C22orf15: variants seen among roughly 807,000 people sequenced by gnomAD.
C22orf15 encodes uncharacterized protein C22orf15.
C22orf15 carries 21 observed loss-of-function variants against 20.3 expected under a neutral mutation model. The ratio of observed to expected loss-of-function variants is 1.04; its 90% CI spans 0.74 to 1.49. C22orf15 has a LOEUF of 1.49. Among genes scored for constraint, C22orf15 ranks in the 40% most tolerant of loss-of-function variants. C22orf15 has a pLI of 0.00. For synonymous variants in C22orf15, 78 were observed against 75.4 expected (o/e 1.03, Z -0.18); for missense variants, 170 against 191.1 (o/e 0.89, Z 0.65).
At chr22:23,763,897 G>A (rs984157160) in intron 1 of C22orf15, among the ~76,000 whole-genome samples, 190 bp from the exon 2 acceptor site, 1 of 152,246 alleles carries the variant, frequency 6.6e-6, no homozygotes. Flanking sequence ...ACCACACATG[G>A]GAGATGGATG....
At chr22:23,764,608 GT>G in intron 3 of C22orf15, 30 bp from the exon 4 acceptor site, 1 of 1,610,896 alleles carries the variant, frequency 6.2e-7, no homozygotes, top group Non-Finnish European at 8.5e-7. Context: ...GGCCAGTCAG[GT>G]GTCCTTCATC....
At chr22:23,765,388 C>A in intron 5 of C22orf15, 2 of 1,550,960 alleles carry the variant, frequency 1.3e-6, no homozygotes, top group African/African-American at 1.4e-5. Flanking sequence ...TGCAAACAGA[C>A]AACAACCCAG....
At chr22:23,763,947 C>A (rs530269239) in intron 1 of C22orf15, 140 bp from the exon 2 acceptor site, 6 of 735,334 alleles carry the variant, frequency 8.2e-6, no homozygotes, top group Non-Finnish European at 1.4e-5. Context: ...GATGTTGGAG[C>A]TGTTATGCCC....
chr22:23,764,932 G>C, intron 5 of C22orf15, 30 bp downstream of exon 5: 1 of 1,591,754 alleles, frequency 6.3e-7, no homozygotes, highest in East Asian at 2.2e-5. Context: ...GGAGTTGCTA[G>C]CTGGGGCAGG....
intron 1 of C22orf15, 121 bp from the exon 2 acceptor site, chr22:23,763,966 G>A (rs1170353881): frequency 1.1e-6 from 1 of 937,458 alleles, no homozygotes. Context: ...CCGGGGCACA[G>A]TCTTAGCCCA....
Position 23,764,270 on chromosome 22 carries a change from T to C in C22orf15, c.123T>C (p.Ala41=). The stretch of plus-strand genomic sequence containing the variant: ...TCCATGTCCTCCCAGCGACCATTGC[T>C]CTCCTGGCTGAGGATGGCAACCTAG... ...KAGLPPDATI[A]LLAEDGNLVS... The change falls in exon 3 of 6, where the codon GCT becomes GCC. Residue 41 remains alanine, a synonymous_variant. Coordinates refer to ENST00000402217, the MANE Select transcript of C22orf15 (RefSeq NM_182520.3). The C allele has an allele frequency of 6.4e-7, 1 of 1,551,548 alleles. No homozygotes were observed. Among genetic ancestry groups the C allele is most frequent in the African/African-American group, 1.4e-5 (1 of 73,126 alleles).
At chr22:23,765,196 C>T (rs1305780496) in intron 5 of C22orf15, 1 of 1,447,850 alleles carries the variant, frequency 6.9e-7, no homozygotes, top group East Asian at 2.5e-5. Context: ...GCTCAGTGCA[C>T]AACTGCTGGA....
chr22:23,765,453 G>A (rs1319548217), intron 5 of C22orf15: 3 of 1,550,960 alleles, frequency 1.9e-6, no homozygotes, highest in Non-Finnish European at 2.6e-6. Flanking sequence ...AGCAAGAGGG[G>A]CAAGGTCAGA....
Position 23,763,180 on chromosome 22 carries a change from C to A in C22orf15, c.-127C>A. The A allele has an allele frequency of 7.6e-7, 1 of 1,321,958 alleles. No homozygotes were observed. The allele number at this position is 1,321,958 out of a possible 1,614,324, so 81.9% of individuals were successfully genotyped here. The stretch of plus-strand genomic sequence containing the variant: ...TGGCCCTGGGACCCAGCCATCCACA[C>A]TCACACATCCACTTCTCCCTCCAGA... On this transcript the variant is annotated 5_prime_UTR_variant, in exon 1 of 6. Coordinates refer to ENST00000402217, the MANE Select transcript of C22orf15 (RefSeq NM_182520.3).
chr22:23,763,364 AG>A, intron 1 of C22orf15, 33 bp downstream of exon 1: 2 of 1,533,458 alleles, frequency 1.3e-6, no homozygotes, highest in East Asian at 2.6e-5. Flanking sequence ...GTAGGCGGAT[AG>A]GGGGATGAGC....
intron 5 of C22orf15, 39 bp downstream of exon 5, chr22:23,764,941 G>C: frequency 3.8e-6 from 6 of 1,586,592 alleles, no homozygotes; most frequent in Non-Finnish European, 5.1e-6. Flanking sequence ...AGCTGGGGCA[G>C]GGAGCCAGGT....
chr22:23,763,473 G>A lies in C22orf15; in HGVS notation c.25+142G>A. Reference sequence around the variant, plus strand: ...CATGGCGGGGGTCGTCGGGGAAGCGGCTCTGTGAGGAGGCGAAGCCAGCAC... The same window carrying A: ...CATGGCGGGGGTCGTCGGGGAAGCGACTCTGTGAGGAGGCGAAGCCAGCAC... On this transcript the variant is annotated intron_variant, in intron 1 of 5. Transcript: ENST00000402217. 8.2e-6 allele frequency: 8 copies of A among 979,584 alleles called. No homozygotes were observed. In the South Asian group the frequency reaches 1.0e-4, roughly 13 times the overall value. 60.7% of individuals were successfully genotyped at this position (979,584 alleles called of 1,614,324 possible).
At chr22:23,765,396 C>T (rs1245415813) in intron 5 of C22orf15, 1 of 1,551,078 alleles carries the variant, frequency 6.4e-7, no homozygotes. Flanking sequence ...GACAACAACC[C>T]AGCAGGACTC....
intron 1 of C22orf15, 77 bp from the exon 2 acceptor site, chr22:23,764,010 T>A (rs1926178217): frequency 1.4e-6 from 2 of 1,381,806 alleles, no homozygotes; most frequent in African/African-American, 2.9e-5. Flanking sequence ...AAGGGAGAGA[T>A]GGGAGGGAGA....
At chr22:23,764,219 G>C (rs1926241159) in intron 2 of C22orf15, 41 bp from the exon 3 acceptor site, 1 of 1,551,508 alleles carries the variant, frequency 6.4e-7, no homozygotes, top group African/African-American at 1.4e-5. Context: ...GTCCCAGGCA[G>C]GGGTGCCAGC....
chr22:23,763,414 T>TGGGG, intron 1 of C22orf15, 83 bp downstream of exon 1: 4 of 1,177,618 alleles, frequency 3.4e-6, no homozygotes, highest in Non-Finnish European at 4.3e-6. Flanking sequence ...TTGCGGTGGG[T>TGGGG]GGGGAGGCAA....
At chr22:23,765,526 A>G (rs1368875841) in intron 5 of C22orf15, 195 bp from the exon 6 acceptor site, 13 of 1,549,042 alleles carry the variant, frequency 8.4e-6, no homozygotes, top group Admixed American at 2.0e-5. Context: ...GCAGAGGTAG[A>G]GACAAGAAGG....
intron 3 of C22orf15, 81 bp from the exon 4 acceptor site, chr22:23,764,558 G>T: frequency 6.4e-7 from 1 of 1,572,548 alleles, no homozygotes; most frequent in African/African-American, 1.3e-5. Context: ...GCCTGGACTA[G>T]CAAACAGTTC....
intron 1 of C22orf15, 83 bp downstream of exon 1, chr22:23,763,414 TG>T: frequency 1.7e-6 from 2 of 1,177,632 alleles, no homozygotes; most frequent in East Asian, 7.7e-5. Flanking sequence ...TTGCGGTGGG[TG>T]GGGAGGCAAT....
Sources: allele counts gnomAD v4.1 joint callset (sites outside exome capture counted in the v4.1 genomes callset), GRCh38; gene constraint gnomAD v4.1.1; transcripts MANE v1.5; gene names NCBI Gene and HGNC (gene_info 2026-07-23, HGNC 2026-07-21).